The following CCDC3 variants were observed in gnomAD, a reference collection of about 807,000 sequenced individuals.
CCDC3 encodes coiled-coil domain containing 3, also known as coiled-coil domain-containing protein 3.
Under a neutral mutation model 21.4 loss-of-function variants are expected in CCDC3, and 24 were observed. The observed-to-expected ratio is 1.12, with a 90% CI of 0.81 to 1.58. The LOEUF (loss-of-function observed/expected upper bound fraction) is 1.58, where lower values mean the gene tolerates loss of function less well. CCDC3 is among the 40% of genes most tolerant of loss of function. The pLI is 0.00. For synonymous variants in CCDC3, 186 were observed against 166.0 expected (o/e 1.12, Z -0.93); for missense variants, 425 against 360.9 (o/e 1.18, Z -1.44).
rs189003871 is a variant in CCDC3 at position 12,944,185 on chromosome 10, C to T, written c.550-45506G>A. On this transcript the variant is annotated intron_variant, in intron 2 of 2. Transcript: ENST00000378825. ...TATTCCAAAATGGCCCTACAAAGCT[C>T]TCTCTCATGGGGGAAACTTGTGTTC... 1.1e-4 allele frequency among the ~76,000 whole-genome samples: 17 copies of T among 152,308 alleles called. No homozygotes were observed. The East Asian group carries it at 2.9e-3, about 26-fold the overall frequency.
At chr10:12,947,178 T>C (rs902321402) in intron 2 of CCDC3, among the ~76,000 whole-genome samples, 29 of 152,064 alleles carry the variant, frequency 1.9e-4, no homozygotes, top group Admixed American at 1.3e-3. Flanking sequence ...GACAGGGTCT[T>C]GCTTGGTAGC....
chr10:13,033,500 TTAAAC>T (rs1256187494), intron 5 of CCDC3, among the ~76,000 whole-genome samples: 2 of 152,138 alleles, frequency 1.3e-5, no homozygotes, highest in Non-Finnish European at 2.9e-5. Context: ...TGGGATCTAA[TTAAAC>T]TAAAGAGCTT....
intron 2 of CCDC3, among the ~76,000 whole-genome samples, chr10:12,905,860 G>A (rs951348866): frequency 1.3e-5 from 2 of 152,276 alleles, no homozygotes; most frequent in Non-Finnish European, 2.9e-5. Context: ...GCAGTTGGCC[G>A]GTTAATTCTG....
At chr10:13,035,134 G>A (rs1383366179) in intron 5 of CCDC3, among the ~76,000 whole-genome samples, 1 of 152,114 alleles carries the variant, frequency 6.6e-6, no homozygotes, top group Non-Finnish European at 1.5e-5. Flanking sequence ...CCCAGGTAGA[G>A]AACACTGATC....
intron 2 of CCDC3, among the ~76,000 whole-genome samples, chr10:12,965,136 ATCTTTCCCCAAAATCATTT>A (rs924949175): frequency 1.3e-5 from 2 of 152,106 alleles, no homozygotes; most frequent in Non-Finnish European, 2.9e-5. Flanking sequence ...GGGTCTATTC[ATCTTTCCCCAAAATCATTT>A]TCTCTCTCCT....
chr10:12,988,439 A>C (rs1835631253), intron 2 of CCDC3, among the ~76,000 whole-genome samples: 1 of 151,984 alleles, frequency 6.6e-6, no homozygotes, highest in African/African-American at 2.4e-5. Flanking sequence ...CTCGGCCTCC[A>C]AGGTCTAAGC....
intron 2 of CCDC3, among the ~76,000 whole-genome samples, chr10:12,992,207 T>C (rs541961399): frequency 1.3e-5 from 2 of 152,134 alleles, no homozygotes; most frequent in Non-Finnish European, 2.9e-5. Flanking sequence ...CTGGCCAACA[T>C]GGTGAAACAC....
intron 5 of CCDC3, among the ~76,000 whole-genome samples, chr10:13,032,815 C>G (rs1178687867): frequency 6.6e-6 from 1 of 152,158 alleles, no homozygotes; most frequent in African/African-American, 2.4e-5. Context: ...AGAAGAACTA[C>G]AAAACACTGC....
intron 2 of CCDC3, among the ~76,000 whole-genome samples, chr10:12,940,217 A>G (rs1232117431): frequency 6.8e-6 from 1 of 146,334 alleles, no homozygotes; most frequent in East Asian, 2.1e-4. Context: ...TGGAGAAAGA[A>G]TCATTGAAAT....
chr10:13,074,466 G>T (rs886315278), intron 3 of CCDC3, among the ~76,000 whole-genome samples: 1 of 149,040 alleles, frequency 6.7e-6, no homozygotes. Flanking sequence ...GATTACAGGC[G>T]TGAGCCACCA....
intron 2 of CCDC3, among the ~76,000 whole-genome samples, chr10:12,971,878 A>C (rs1835348798): frequency 6.6e-6 from 1 of 151,906 alleles, no homozygotes; most frequent in Non-Finnish European, 1.5e-5. Context: ...TAGTAGAGAC[A>C]GGGTTTCACT....
intron 4 of CCDC3, among the ~76,000 whole-genome samples, chr10:13,063,258 A>C (rs964910525): frequency 4.1e-5 from 1 of 24,108 alleles, no homozygotes; most frequent in Non-Finnish European, 8.1e-5. Flanking sequence ...AGCTCTGTCT[A>C]GGCAGTGGGC....
At chr10:12,976,599 G>A (rs1197443822) in intron 2 of CCDC3, among the ~76,000 whole-genome samples, 1 of 152,146 alleles carries the variant, frequency 6.6e-6, no homozygotes, top group Non-Finnish European at 1.5e-5. Context: ...TTTCACACAC[G>A]GTATCGTTAC....
chr10:13,045,393 C>T (rs1836511407), intron 5 of CCDC3, among the ~76,000 whole-genome samples: 1 of 152,132 alleles, frequency 6.6e-6, no homozygotes, highest in Admixed American at 6.6e-5. Context: ...GTAATCGCAG[C>T]ACTTTGTGAG....
At chr10:12,981,634 G>A (rs1228369553) in intron 2 of CCDC3, among the ~76,000 whole-genome samples, 1 of 152,182 alleles carries the variant, frequency 6.6e-6, no homozygotes, top group Non-Finnish European at 1.5e-5. Context: ...ACCAGGCAGG[G>A]TGAGAACTTT....
At chr10:13,090,034 G>GATAGATAGATAGAT (rs1259341208) in intron 3 of CCDC3, among the ~76,000 whole-genome samples, 2 of 129,168 alleles carry the variant, frequency 1.5e-5, no homozygotes, top group African/African-American at 6.1e-5. Flanking sequence ...TATTCCGTTA[G>GATAGATAGATAGAT]ATATATATAT....
chr10:12,909,670 G>C (rs1834234983), intron 2 of CCDC3, among the ~76,000 whole-genome samples: 1 of 152,190 alleles, frequency 6.6e-6, no homozygotes, highest in Non-Finnish European at 1.5e-5. Flanking sequence ...TGAGGCTGTG[G>C]AGAGTGGAAG....
chr10:12,903,395 T>C (rs961433883), intron 2 of CCDC3, among the ~76,000 whole-genome samples: 1 of 152,224 alleles, frequency 6.6e-6, no homozygotes, highest in Admixed American at 6.5e-5. Context: ...CCAAATGAAA[T>C]CCATCTCCTT....
intron 2 of CCDC3, among the ~76,000 whole-genome samples, chr10:12,951,819 A>AAAAAAAAAG (rs1835013289): frequency 6.6e-6 from 1 of 151,186 alleles, no homozygotes; most frequent in African/African-American, 2.4e-5. Flanking sequence ...AAAAAAAAAA[A>AAAAAAAAAG]AAAAAAAAGT....
Sources: gnomAD v4.1 joint callset for allele counts (sites outside exome capture counted in the v4.1 genomes callset) on GRCh38, gnomAD v4.1.1 for gene constraint, MANE v1.5 for transcripts, NCBI Gene and HGNC (gene_info 2026-07-23, HGNC 2026-07-21) for gene names.